KLHL20: variants seen among roughly 807,000 people sequenced by gnomAD.
KLHL20 encodes the protein kelch-like protein 20.
A neutral mutation model predicts 69.5 loss-of-function variants in KLHL20; 29 were observed. The ratio of observed to expected loss-of-function variants is 0.42; its 90% confidence interval spans 0.31 to 0.57. The LOEUF (loss-of-function observed/expected upper bound fraction) is 0.57. Among genes scored for constraint, KLHL20 ranks in the 20% least tolerant of loss-of-function variants. KLHL20 has a pLI of 0.18. For missense variants in KLHL20, 419 were observed against 776.0 expected, an observed-to-expected ratio of 0.54 and a Z score of 5.47; for synonymous variants, 253 against 265.2, an observed-to-expected ratio of 0.95 and a Z score of 0.45.
intron 5 of KLHL20, among the ~76,000 whole-genome samples, chr1:173,754,049 A>T (rs1418962737): frequency 6.8e-6 from 1 of 147,696 alleles, no homozygotes; most frequent in African/African-American, 2.7e-5. Flanking sequence ...AACTACACTG[A>T]CCTTTGAACC....
Position 173,742,935 on chromosome 1 carries a change from T to G in KLHL20, c.597+8649T>G, listed in dbSNP as rs571367439. Among the ~76,000 whole-genome samples the G allele has an allele frequency of 3.3e-5, 5 of 151,800 alleles. No homozygotes were observed. The East Asian group carries it at 5.8e-4, about 18-fold the overall frequency. ...TGGTTTGATTGCATAAAAGTTAAAATTTTTTGTTCTTTCCAACATAAAAAG... is the reference window on the plus strand; with the variant it reads ...TGGTTTGATTGCATAAAAGTTAAAAGTTTTTGTTCTTTCCAACATAAAAAG... On this transcript the variant is annotated intron_variant, in intron 3 of 11. Transcript: ENST00000209884.
At chr1:173,771,396 C>G (rs909302476) in intron 8 of KLHL20, among the ~76,000 whole-genome samples, 2 of 151,928 alleles carry the variant, frequency 1.3e-5, no homozygotes, top group East Asian at 3.9e-4. Flanking sequence ...AGAGCAAGAC[C>G]GTGTCTCTTA....
rs1236404639 is a variant in KLHL20 at position 173,774,886 on chromosome 1, C to G, written c.1429+448C>G. ...AGTCCAGTGCCACAATCTTGGCTCACTGCAACCTCTACCTCCCGGACTCAA... is the reference window on the plus strand; with the variant it reads ...AGTCCAGTGCCACAATCTTGGCTCAGTGCAACCTCTACCTCCCGGACTCAA... On this transcript the variant is annotated intron_variant, in intron 9 of 11. Coordinates refer to ENST00000209884, the MANE Select transcript of KLHL20 (RefSeq NM_014458.4). 2.0e-5 allele frequency among the ~76,000 whole-genome samples: 3 copies of G among 152,192 alleles called. No homozygotes were observed. In the South Asian group the frequency reaches 6.2e-4, roughly 32 times the overall value.
At chr1:173,729,310 T>A (rs1434943884) in intron 2 of KLHL20, among the ~76,000 whole-genome samples, 8 of 152,166 alleles carry the variant, frequency 5.3e-5, no homozygotes, top group South Asian at 2.1e-4. Flanking sequence ...AGGAGCTGGT[T>A]CCGTTCCTTC....
At chr1:173,735,936 CTTTTTT>C (rs769632286) in intron 3 of KLHL20, among the ~76,000 whole-genome samples, 3 of 105,978 alleles carry the variant, frequency 2.8e-5, no homozygotes, top group Non-Finnish European at 5.4e-5. Context: ...GCCATTCTAT[CTTTTTT>C]TTTTTTTTTT....
chr1:173,775,163 A>G (rs61827863), intron 9 of KLHL20, among the ~76,000 whole-genome samples: 33,622 of 152,052 alleles, frequency 0.22, 4,291 homozygotes, highest in Middle Eastern at 0.38. Flanking sequence ...GCCTAAGGAT[A>G]TTGTCAATGT....
chr1:173,752,776 A>G (rs576022703), intron 4 of KLHL20, among the ~76,000 whole-genome samples: 1 of 152,286 alleles, frequency 6.6e-6, no homozygotes, highest in East Asian at 1.9e-4. Flanking sequence ...TTCCTTATTT[A>G]TGGTATTCGG....
chr1:173,744,589 A>G (rs1464895932), intron 3 of KLHL20, among the ~76,000 whole-genome samples: 3 of 152,118 alleles, frequency 2.0e-5, no homozygotes, highest in South Asian at 4.1e-4. Context: ...AAATTTACAC[A>G]TATTTTTTCT....
intron 2 of KLHL20, among the ~76,000 whole-genome samples, chr1:173,729,625 C>A (rs923520847): frequency 3.9e-5 from 6 of 152,172 alleles, no homozygotes; most frequent in African/African-American, 1.2e-4. Context: ...ACAAAAACCA[C>A]ATGATTATCT....
At chr1:173,733,672 T>C in intron 2 of KLHL20, 41 bp from the exon 3 acceptor site, 1 of 1,416,802 alleles carries the variant, frequency 7.1e-7, no homozygotes, top group Non-Finnish European at 9.7e-7. Context: ...GAGCTTATAA[T>C]AATACTGCCA....
intron 3 of KLHL20, among the ~76,000 whole-genome samples, chr1:173,746,314 A>G (rs754436049): frequency 1.3e-5 from 2 of 152,146 alleles, no homozygotes; most frequent in Non-Finnish European, 2.9e-5. Context: ...AGTTTTCTTC[A>G]TGTTCTGTGC....
intron 7 of KLHL20, among the ~76,000 whole-genome samples, chr1:173,762,264 C>T (rs554480098): frequency 2.0e-3 from 306 of 152,110 alleles, no homozygotes; most frequent in African/African-American, 7.1e-3. Context: ...CAGGACCAGA[C>T]GGATTCACAG....
At chr1:173,726,065 A>C (rs1446037287) in intron 2 of KLHL20, among the ~76,000 whole-genome samples, 1 of 152,170 alleles carries the variant, frequency 6.6e-6, no homozygotes, top group Non-Finnish European at 1.5e-5. Context: ...GCGCTTTTCC[A>C]ACAGTCTTAG....
rs151177573 is a variant in KLHL20 at position 173,732,854 on chromosome 1, A to G, written c.24-859A>G. Among the ~76,000 whole-genome samples, 214 of 152,280 alleles carry G rather than the reference A, an allele frequency of 1.4e-3. 1 individual carries two copies. Among genetic ancestry groups the G allele is most frequent in the Middle Eastern group, 0.01 (3 of 294 alleles). ...TTTTAAATGAAGCTTATCATATTTA[A>G]TATCTCTAGATATGAAATTAGACCC... On this transcript the variant is annotated intron_variant, in intron 2 of 11. Coordinates refer to ENST00000209884, the MANE Select transcript of KLHL20 (RefSeq NM_014458.4).
At chr1:173,778,235 C>T (rs188394293) in intron 10 of KLHL20, among the ~76,000 whole-genome samples, 79 of 152,112 alleles carry the variant, frequency 5.2e-4, no homozygotes, top group Middle Eastern at 3.4e-3. Context: ...CCCCACCCCC[C>T]GACAGGCCCT....
chr1:173,726,483 A>T (rs1166733986), intron 2 of KLHL20, among the ~76,000 whole-genome samples: 1 of 152,158 alleles, frequency 6.6e-6, no homozygotes, highest in East Asian at 1.9e-4. Flanking sequence ...AAGTAGCTTA[A>T]CTGGGAGGCA....
intron 2 of KLHL20, among the ~76,000 whole-genome samples, chr1:173,732,971 A>G (rs1571865800): frequency 6.6e-6 from 1 of 151,728 alleles, no homozygotes; most frequent in East Asian, 1.9e-4. Flanking sequence ...TTTTAATTTT[A>G]ATAAACTTTG....
At chr1:173,784,665 G>C (rs986470527) in intron 11 of KLHL20, among the ~76,000 whole-genome samples, 6 of 152,138 alleles carry the variant, frequency 3.9e-5, no homozygotes, top group Admixed American at 3.9e-4. Flanking sequence ...TCACAAACTA[G>C]ATGCTGACTT....
At chr1:173,718,421 T>C (rs1671558163) in intron 2 of KLHL20, among the ~76,000 whole-genome samples, 1 of 151,808 alleles carries the variant, frequency 6.6e-6, no homozygotes, top group South Asian at 2.1e-4. Flanking sequence ...GGCAGATGCC[T>C]GAAGTTCTAG....
Sources: gnomAD v4.1 joint callset for allele counts (sites outside exome capture counted in the v4.1 genomes callset) on GRCh38, gnomAD v4.1.1 for gene constraint, MANE v1.5 for transcripts, NCBI Gene and HGNC (gene_info 2026-07-23, HGNC 2026-07-21) for gene names.